The following SNCAIP variants were observed in gnomAD, a reference collection of about 807,000 sequenced individuals.
SNCAIP encodes the protein synphilin-1.
Under a neutral mutation model 86.7 loss-of-function variants are expected in SNCAIP, and 43 were observed. The ratio of observed to expected loss-of-function variants is 0.50; its 90% CI spans 0.39 to 0.64. SNCAIP has a LOEUF of 0.64. Ranked by LOEUF, SNCAIP falls within the 30% of genes least tolerant of loss-of-function variation. SNCAIP has a pLI of 0.00. For synonymous variants in SNCAIP, 417 were observed against 427.2 expected (o/e 0.98, Z 0.29); for missense variants, 981 against 1,103.1 (o/e 0.89, Z 1.57).
chr5:122,329,262 CAAAAAA>C (rs78307168), intron 1 of SNCAIP, among the ~76,000 whole-genome samples: 2 of 81,218 alleles, frequency 2.5e-5, no homozygotes, highest in African/African-American at 7.7e-5. Flanking sequence ...GGTAATGTGG[CAAAAAA>C]AAAAAAAAAA....
intron 10 of SNCAIP, among the ~76,000 whole-genome samples, chr5:122,460,201 A>T (rs1785822305): frequency 1.3e-5 from 2 of 151,454 alleles, no homozygotes; most frequent in South Asian, 4.2e-4. Flanking sequence ...GGCTCACAGC[A>T]TCCTCTAACT....
intron 8 of SNCAIP, among the ~76,000 whole-genome samples, chr5:122,446,005 A>C (rs914755804): frequency 1.3e-5 from 2 of 152,262 alleles, no homozygotes; most frequent in Middle Eastern, 6.8e-3. Context: ...ACTTGAAAAA[A>C]AGGGGTTACT....
intron 1 of SNCAIP, among the ~76,000 whole-genome samples, chr5:122,353,803 G>A (rs919674595): frequency 2.6e-5 from 4 of 151,980 alleles, no homozygotes; most frequent in Non-Finnish European, 2.9e-5. Context: ...TCCCAGTCTC[G>A]GGTATGTCTT....
chr5:122,367,362 T>G (rs1763388073), intron 1 of SNCAIP, among the ~76,000 whole-genome samples: 1 of 152,198 alleles, frequency 6.6e-6, no homozygotes, highest in African/African-American at 2.4e-5. Flanking sequence ...TAAATTGTGC[T>G]GGGTTAGGAA....
chr5:122,451,471 A>G lies in SNCAIP; in HGVS notation c.2624A>G (p.Gln875Arg), dbSNP rs564829046. 1.2e-6 allele frequency: 2 copies of G among 1,613,964 alleles called. No individual in the cohort carries two copies. The highest frequency in any genetic ancestry group is 2.2e-5 in the East Asian group (1 of 44,878). ...RSIMETLSGN[Q>R]NNNNNYQAAN... ...ATCATGGAGACACTAAGTGGCAACC[A>G]AAACAATAATAATAACTACCAGGCA... The change falls in exon 10 of 11, where the codon CAA becomes CGA. Residue 875 changes from glutamine (Q) to arginine (R), a missense_variant. Transcript: ENST00000261368.
chr5:122,460,391 G>C (rs1444506004), intron 10 of SNCAIP, among the ~76,000 whole-genome samples: 1 of 152,132 alleles, frequency 6.6e-6, no homozygotes, highest in East Asian at 1.9e-4. Flanking sequence ...ATAAATTGTG[G>C]AGCCAGGATT....
chr5:122,462,230 C>A (rs915314128), intron 10 of SNCAIP, among the ~76,000 whole-genome samples: 1 of 152,150 alleles, frequency 6.6e-6, no homozygotes, highest in African/African-American at 2.4e-5. Flanking sequence ...TAGTTGGATT[C>A]CCTGACTGTA....
chr5:122,325,707 C>G (rs1306008877), intron 1 of SNCAIP, among the ~76,000 whole-genome samples: 2 of 152,200 alleles, frequency 1.3e-5, no homozygotes, highest in African/African-American at 2.4e-5. Flanking sequence ...TTAGCTCTTA[C>G]TATGCATTCA....
chr5:122,451,124 A>T lies in SNCAIP; in HGVS notation c.2277A>T (p.Leu759Phe). The T allele has an allele frequency of 6.2e-7, 1 of 1,614,190 alleles. No homozygotes were observed. The highest frequency in any genetic ancestry group is 1.3e-5 in the African/African-American group (1 of 75,048). ...CCTCAGAGAGCAGCGAACCAGACTT[A>T]GAATCCCAGTATCCAGGCTCAGGGA... is the stretch of plus-strand genomic sequence containing the variant. ...SPTSESSEPD[L>F]ESQYPGSGSI... The change falls in exon 10 of 11, where the codon TTA (leucine) becomes TTT (phenylalanine). Residue 759 changes from leucine (L) to phenylalanine (F), a missense_variant. Leu to Phe is a conservative substitution (Grantham distance 22). Transcript: ENST00000261368.
chr5:122,384,802 A>G (rs1378717091), intron 1 of SNCAIP, among the ~76,000 whole-genome samples: 1 of 152,180 alleles, frequency 6.6e-6, no homozygotes, highest in East Asian at 1.9e-4. Context: ...CAGAAATTTG[A>G]TATTCCAAGA....
intron 2 of SNCAIP, among the ~76,000 whole-genome samples, chr5:122,397,248 A>G (rs1770809718): frequency 6.6e-6 from 1 of 152,120 alleles, no homozygotes; most frequent in African/African-American, 2.4e-5. Context: ...GCTGGGCCCC[A>G]TGGTCACCTC....
intron 3 of SNCAIP, among the ~76,000 whole-genome samples, chr5:122,408,425 C>T (rs746614993): frequency 7.2e-5 from 11 of 152,120 alleles, no homozygotes; most frequent in Admixed American, 5.2e-4. Context: ...TGGTGGGCTC[C>T]AAGAATGGAA....
At chr5:122,391,061 C>T (rs1233706893) in intron 1 of SNCAIP, 28 bp from the exon 2 acceptor site, 6 of 1,324,644 alleles carry the variant, frequency 4.5e-6, no homozygotes, top group Admixed American at 1.7e-5. Flanking sequence ...ATTTTTTTGC[C>T]TTTCTTTTCT....
chr5:122,425,549 G>A lies in SNCAIP; in HGVS notation c.1182+18G>A, dbSNP rs368919788. The A allele has an allele frequency of 3.7e-5, 60 of 1,605,358 alleles. No homozygotes were observed. Among genetic ancestry groups the A allele is most frequent in the Admixed American group, 6.7e-5 (4 of 59,978 alleles). The stretch of plus-strand genomic sequence containing the variant: ...CCATTAAGGTGACTGGTTGGGGGCT[G>A]GAACCTCCACAGCTAGAAGCTGGAT... On this transcript the variant is annotated intron_variant, in intron 5 of 10. Transcript: ENST00000261368.
chr5:122,357,348 G>C (rs1446133357), intron 1 of SNCAIP, among the ~76,000 whole-genome samples: 1 of 152,014 alleles, frequency 6.6e-6, no homozygotes, highest in East Asian at 1.9e-4. Context: ...CGATTCTCCT[G>C]CCTCAGCCTC....
chr5:122,398,228 G>A (rs569767235), intron 2 of SNCAIP, among the ~76,000 whole-genome samples: 5 of 152,238 alleles, frequency 3.3e-5, no homozygotes, highest in Admixed American at 1.3e-4. Context: ...GAAAGCCAAC[G>A]CTGAGAGTGG....
intron 1 of SNCAIP, among the ~76,000 whole-genome samples, chr5:122,359,591 C>T (rs1761816448): frequency 6.6e-6 from 1 of 151,922 alleles, no homozygotes; most frequent in Non-Finnish European, 1.5e-5. Flanking sequence ...TCTCGAACTC[C>T]TGAGCTCACA....
intron 1 of SNCAIP, among the ~76,000 whole-genome samples, chr5:122,351,690 G>A (rs1759890414): frequency 1.3e-5 from 2 of 152,030 alleles, no homozygotes; most frequent in Non-Finnish European, 2.9e-5. Context: ...AAAGACAGTG[G>A]TCAGCAGCAT....
chr5:122,444,564 C>A lies in SNCAIP; in HGVS notation c.1424C>A (p.Thr475Asn). 1 of 1,613,808 alleles carries A rather than the reference C, an allele frequency of 6.2e-7. No individual in the cohort carries two copies. The highest frequency in any genetic ancestry group is 1.1e-5 in the South Asian group (1 of 91,082). Residue 475 changes from threonine to asparagine, a missense_variant and splice_region_variant, in exon 8 of 11, where the codon ACC becomes AAC. Transcript: ENST00000261368. ...CACATGTCCTTCATTTTCTGACAGA[C>A]CTTGGTTGAATATGGAGCAAATGTC... ...SQHGYLGCIQ[T>N]LVEYGANVTM...
Sources: gnomAD v4.1 joint callset for allele counts (sites outside exome capture counted in the v4.1 genomes callset) on GRCh38, gnomAD v4.1.1 for gene constraint, MANE v1.5 for transcripts, NCBI Gene and HGNC (gene_info 2026-07-23, HGNC 2026-07-21) for gene names.